CDCA7L: variants seen among roughly 807,000 people sequenced by gnomAD.
CDCA7L encodes cell division cycle associated 7 like.
In CDCA7L, 44 loss-of-function variants were observed where a neutral mutation model predicts 57.4. That is an observed-to-expected ratio of 0.77 (90% CI 0.60 to 0.98). CDCA7L has a LOEUF of 0.98. CDCA7L is among the 50% of genes least tolerant of loss of function. CDCA7L has a pLI of 0.00. For synonymous variants in CDCA7L, 236 were observed against 202.8 expected, an observed-to-expected ratio of 1.16 and a Z score of -1.39; for missense variants, 644 against 580.6, an observed-to-expected ratio of 1.11 and a Z score of -1.12.
At chr7:21,907,664 C>T (rs1785181754) in intron 4 of CDCA7L, among the ~76,000 whole-genome samples, 1 of 152,132 alleles carries the variant, frequency 6.6e-6, no homozygotes, top group South Asian at 2.1e-4. Context: ...AGACCTCTTC[C>T]ATTCCTTCAG....
chr7:21,943,734 A>G (rs919882587), intron 1 of CDCA7L, among the ~76,000 whole-genome samples: 1 of 152,220 alleles, frequency 6.6e-6, no homozygotes, highest in Non-Finnish European at 1.5e-5. Context: ...AAAAGGAAAA[A>G]AAAAAAAACC....
chr7:21,930,093 A>C (rs953815134), intron 1 of CDCA7L, among the ~76,000 whole-genome samples: 1 of 149,122 alleles, frequency 6.7e-6, no homozygotes, highest in African/African-American at 2.5e-5. Context: ...GCAAATGCAA[A>C]AGAACGGAAA....
At position 21,906,588 on chromosome 7, in the gene CDCA7L, G is replaced by C; in HGVS notation, c.733C>G (p.Arg245Gly). 1.9e-5 allele frequency: 31 copies of C among 1,614,132 alleles called. No homozygotes were observed. The highest frequency in any genetic ancestry group is 2.6e-5 in the Non-Finnish European group (31 of 1,180,012). The change falls in exon 5 of 10, where the codon CGA becomes GGA. Residue 245 changes from arginine (R) to glycine (G), a missense_variant. Transcript: ENST00000406877. The stretch of plus-strand genomic sequence containing the variant: ...CTTACAGAAGCTGAGGTTGGGGTTC[G>C]TACTGGGAAGAAATCTGGCATCGAG... ...LNSMPDFFPV[R>G]TPTSASRKKT...
chr7:21,906,540 T>C (rs372703469), intron 5 of CDCA7L, 28 bp downstream of exon 5: 13 of 1,613,820 alleles, frequency 8.1e-6, no homozygotes, highest in African/African-American at 1.3e-5. Context: ...ATATCAGTAT[T>C]GGTATAATTA....
rs745491957 is a variant in CDCA7L, at chr7:21,902,965, G to C, written c.1334+13C>G. 1.2e-6 allele frequency: 2 copies of C among 1,612,058 alleles called. No homozygotes were observed. The highest frequency in any genetic ancestry group is 3.3e-5 in the Admixed American group (2 of 59,972). On this transcript the variant is annotated intron_variant, in intron 9 of 9. Transcript: ENST00000406877. Reference sequence around the variant, plus strand: ...TTTCAAGCTGTTTTGTAAGCTGCTAGAGACTTACTTACCTCTCCAGATATT... The same window carrying C: ...TTTCAAGCTGTTTTGTAAGCTGCTACAGACTTACTTACCTCTCCAGATATT...
At chr7:21,903,760 T>C (rs1236018307) in intron 8 of CDCA7L, 1 of 194,730 alleles carries the variant, frequency 5.1e-6, no homozygotes, top group Non-Finnish European at 1.0e-5. Flanking sequence ...TACTGCAATC[T>C]CCACCTCCCT....
chr7:21,929,286 A>T (rs1785920085), intron 1 of CDCA7L, among the ~76,000 whole-genome samples: 1 of 152,176 alleles, frequency 6.6e-6, no homozygotes, highest in East Asian at 1.9e-4. Flanking sequence ...GGCCTGCCTT[A>T]TAAGAGTTCC....
At chr7:21,941,327 T>A (rs547638628) in intron 1 of CDCA7L, among the ~76,000 whole-genome samples, 3 of 152,276 alleles carry the variant, frequency 2.0e-5, no homozygotes, top group African/African-American at 7.2e-5. Context: ...ATGCTGATAG[T>A]GCTAAGGAAA....
rs771921972 is a variant in CDCA7L, at chr7:21,903,166, A to G, written c.1198-52T>C. 3 of 1,566,740 alleles carry G rather than the reference A, an allele frequency of 1.9e-6. No homozygotes were observed. The East Asian group carries it at 6.8e-5, about 36-fold the overall frequency. ...TCGCTCATTATCTACAGGGTCTGGC[A>G]AGAACTGGGATTCGGATCCAGAATG... On this transcript the variant is annotated intron_variant, in intron 8 of 9. Coordinates refer to ENST00000406877, the MANE Select transcript of CDCA7L (RefSeq NM_018719.5).
intron 8 of CDCA7L, 153 bp downstream of exon 8, chr7:21,903,957 T>TTTTCA (rs1412049810): frequency 1.1e-5 from 7 of 629,984 alleles, no homozygotes; most frequent in Non-Finnish European, 1.7e-5. Context: ...GAATCCCTAT[T>TTTTCA]TTTCATTTTC....
intron 1 of CDCA7L, among the ~76,000 whole-genome samples, chr7:21,919,667 C>T (rs916364651): frequency 1.3e-5 from 2 of 151,952 alleles, no homozygotes; most frequent in African/African-American, 4.8e-5. Flanking sequence ...CCTCATCTCT[C>T]CCTCATCTCA....
At chr7:21,902,397 C>T in intron 9 of CDCA7L, 45 bp from the exon 10 acceptor site, 1 of 1,561,136 alleles carries the variant, frequency 6.4e-7, no homozygotes, top group Non-Finnish European at 8.8e-7. Context: ...TACAAATACA[C>T]AAATGGCATT....
intron 1 of CDCA7L, among the ~76,000 whole-genome samples, chr7:21,926,656 A>C (rs1257803058): frequency 6.6e-6 from 1 of 152,134 alleles, no homozygotes; most frequent in African/African-American, 2.4e-5. Flanking sequence ...AGGATCACTT[A>C]AGCTCAGTTC....
At chr7:21,922,548 G>C (rs1478671188) in intron 1 of CDCA7L, among the ~76,000 whole-genome samples, 1 of 152,126 alleles carries the variant, frequency 6.6e-6, no homozygotes, top group Admixed American at 6.5e-5. Context: ...ACTTGTTCAG[G>C]GAACATGCAC....
intron 1 of CDCA7L, among the ~76,000 whole-genome samples, chr7:21,920,280 C>A (rs1785611013): frequency 1.3e-5 from 2 of 152,202 alleles, no homozygotes; most frequent in Admixed American, 1.3e-4. Flanking sequence ...TTGACCACTG[C>A]ACTAGCATAT....
At chr7:21,940,921 T>A (rs762721389) in intron 1 of CDCA7L, among the ~76,000 whole-genome samples, 14 of 152,220 alleles carry the variant, frequency 9.2e-5, no homozygotes, top group Non-Finnish European at 1.6e-4. Flanking sequence ...ACTAGAACAT[T>A]CTATGAGATG....
At chr7:21,921,381 C>G (rs1005068573) in intron 1 of CDCA7L, among the ~76,000 whole-genome samples, 5 of 145,998 alleles carry the variant, frequency 3.4e-5, no homozygotes, top group Admixed American at 2.0e-4. Context: ...CAAGTGTCCT[C>G]AATGCAACGA....
chr7:21,937,096 GC>G (rs952620089), intron 1 of CDCA7L, among the ~76,000 whole-genome samples: 1 of 151,904 alleles, frequency 6.6e-6, no homozygotes, highest in Non-Finnish European at 1.5e-5. Context: ...AACCAAAAAG[GC>G]GAAAAAAGCC....
intron 1 of CDCA7L, among the ~76,000 whole-genome samples, chr7:21,930,257 C>A (rs10274873): frequency 1.3e-5 from 2 of 152,138 alleles, no homozygotes; most frequent in Non-Finnish European, 1.5e-5. Context: ...TAAATAAGTT[C>A]TTTGAAACCA....
Sources: gnomAD v4.1 joint callset for allele counts (sites outside exome capture counted in the v4.1 genomes callset) on GRCh38, gnomAD v4.1.1 for gene constraint, MANE v1.5 for transcripts, NCBI Gene and HGNC (gene_info 2026-07-23, HGNC 2026-07-21) for gene names.